GPR161: variants seen among roughly 807,000 people sequenced by gnomAD.
The protein encoded by GPR161 is G-protein coupled receptor RE2.
GPR161 carries 25 observed loss-of-function variants against 39.2 expected under a neutral mutation model. The observed-to-expected ratio is 0.64, with a 90% confidence interval of 0.47 to 0.89. The LOEUF (loss-of-function observed/expected upper bound fraction) is 0.89, where lower values mean the gene tolerates loss of function less well. GPR161 is among the 40% of genes least tolerant of loss of function. GPR161 has a pLI of 0.00. For missense variants in GPR161, 547 were observed against 677.8 expected (o/e 0.81, Z 2.14); for synonymous variants, 286 against 276.6 (o/e 1.03, Z -0.34).
intron 1 of GPR161, chr1:168,136,155 G>A: frequency 7.9e-7 from 1 of 1,267,820 alleles, no homozygotes; most frequent in Non-Finnish European, 9.9e-7. Flanking sequence ...GGGCAGAGCC[G>A]CCCATCCGGC....
At chr1:168,116,662 C>T (rs1697658255) in intron 1 of GPR161, among the ~76,000 whole-genome samples, 1 of 152,212 alleles carries the variant, frequency 6.6e-6, no homozygotes, top group Non-Finnish European at 1.5e-5. Flanking sequence ...CTCCCTCCTG[C>T]CCTCCCTTCA....
chr1:168,137,602 G>T, upstream of GPR161: 1 of 602,576 alleles, frequency 1.7e-6, no homozygotes, highest in African/African-American at 1.8e-5. Context: ...GGCGCTGTCA[G>T]CTCGGGGGAC....
At position 168,085,267 on chromosome 1, in the gene GPR161, G is replaced by GTT. The variant is rs112973198; in HGVS notation, c.*262_*263dup. ...AGCCACATCTCTAGATTTTTTTTTG[G>GTT]TTTTTTTTTTGCTTTAGATGCTTCT... On this transcript the variant is annotated 3_prime_UTR_variant, in exon 6 of 6. Coordinates refer to ENST00000682931, the MANE Select transcript of GPR161 (RefSeq NM_001375883.1). The GTT allele has an allele frequency of 3.8e-4, 181 of 475,624 alleles. No homozygotes were observed. The highest frequency in any genetic ancestry group is 2.9e-3 in the African/African-American group (145 of 49,996). 29.5% of individuals were successfully genotyped at this position (475,624 alleles called of 1,614,324 possible). A position where few individuals can be genotyped will look rare whatever the true frequency, so the allele number is the denominator to read the frequency against.
intron 1 of GPR161, among the ~76,000 whole-genome samples, chr1:168,112,675 G>A (rs1697310082): frequency 1.3e-5 from 2 of 151,578 alleles, no homozygotes; most frequent in African/African-American, 4.8e-5. Flanking sequence ...TGGCTAACAT[G>A]GTGAAACTCC....
chr1:168,123,997 G>C (rs1374635292), intron 1 of GPR161, among the ~76,000 whole-genome samples: 1 of 152,210 alleles, frequency 6.6e-6, no homozygotes, highest in Non-Finnish European at 1.5e-5. Flanking sequence ...TTGACACACA[G>C]GTTGAAAGTG....
intron 5 of GPR161, among the ~76,000 whole-genome samples, chr1:168,086,562 G>GC (rs1694515448): frequency 6.6e-6 from 1 of 152,204 alleles, no homozygotes; most frequent in Non-Finnish European, 1.5e-5. Flanking sequence ...CATGGCAGGG[G>GC]AGGACCCCCT....
At chr1:168,089,971 A>C (rs1694895771) in intron 4 of GPR161, among the ~76,000 whole-genome samples, 1 of 152,212 alleles carries the variant, frequency 6.6e-6, no homozygotes, top group South Asian at 2.1e-4. Flanking sequence ...AGGGAGACTG[A>C]GTTTCATATC....
Position 168,087,644 on chromosome 1 carries a change from G to A in GPR161, c.1265C>T (p.Thr422Ile). ...CGAGCTCCTTCTCTTGGGTGGGCAA[G>A]TGCAGTGAGAGGGAGGGTTGTCATC... ...TSDDNPPSHC[T>I]CPPKRRSSVT... The change falls in exon 5 of 6, where the codon ACT becomes ATT. Residue 422 changes from threonine (T) to isoleucine (I), a missense_variant. Transcript: ENST00000682931. 4 of 1,614,054 alleles carry A rather than the reference G, an allele frequency of 2.5e-6. No individual in the cohort carries two copies. Among genetic ancestry groups the A allele is most frequent in the Non-Finnish European group, 3.4e-6 (4 of 1,179,902 alleles).
At chr1:168,132,717 T>C (rs958234656) in intron 1 of GPR161, among the ~76,000 whole-genome samples, 6 of 152,096 alleles carry the variant, frequency 3.9e-5, no homozygotes, top group African/African-American at 1.4e-4. Flanking sequence ...AGAAGGCACA[T>C]TTTTAGGTTT....
upstream of GPR161, chr1:168,137,018 C>T (rs1235430844): frequency 8.3e-5 from 67 of 810,104 alleles, no homozygotes; most frequent in Non-Finnish European, 9.3e-5. Flanking sequence ...CCTCCCCGCG[C>T]CCCGCACTGC....
intron 1 of GPR161, among the ~76,000 whole-genome samples, chr1:168,109,681 T>A (rs1298335439): frequency 6.6e-6 from 1 of 152,178 alleles, no homozygotes; most frequent in Non-Finnish European, 1.5e-5. Context: ...AATTTATACA[T>A]TCCGGCCAGG....
At chr1:168,133,195 C>T (rs1699128605) in intron 1 of GPR161, among the ~76,000 whole-genome samples, 1 of 152,202 alleles carries the variant, frequency 6.6e-6, no homozygotes, top group Non-Finnish European at 1.5e-5. Context: ...CTTTTGAATG[C>T]TATACCTTTC....
intron 1 of GPR161, 107 bp downstream of exon 1, chr1:168,136,632 C>G (rs1699399128): frequency 3.3e-6 from 4 of 1,216,994 alleles, no homozygotes; most frequent in Non-Finnish European, 4.1e-6. Flanking sequence ...GGACCCTTCC[C>G]GGCCCGCGCC....
intron 1 of GPR161, chr1:168,136,394 C>G: frequency 2.1e-6 from 3 of 1,409,392 alleles, no homozygotes; most frequent in Non-Finnish European, 2.8e-6. Context: ...TACGCCCTCC[C>G]ATCCAGCGGA....
At position 168,096,613 on chromosome 1, in the gene GPR161, G is replaced by A. The variant is rs746073856; in HGVS notation, c.994C>T (p.Arg332Cys). Reference protein sequence around the residue: ...LIYGLWNKTVRKELLGMCFGD... With the variant: ...LIYGLWNKTVCKELLGMCFGD... ...AAGCACATGCCCAGTAGTTCTTTGC[G>A]AACTGTCTTGTTCCAGAGTCCATAG... The change falls in exon 3 of 6, where the codon CGC (arginine) becomes TGC (cysteine). Residue 332 changes from arginine to cysteine, a missense_variant. Physicochemically the swap from Arg to Cys is radical, Grantham distance 180. Transcript: ENST00000682931. 10 of 1,614,206 alleles carry A rather than the reference G, an allele frequency of 6.2e-6. No individual in the cohort carries two copies. The highest frequency in any genetic ancestry group is 4.5e-5 in the East Asian group (2 of 44,890).
At chr1:168,121,791 T>A (rs185293386) in intron 1 of GPR161, among the ~76,000 whole-genome samples, 114 of 152,296 alleles carry the variant, frequency 7.5e-4, no homozygotes, top group African/African-American at 2.6e-3. Context: ...AACCACGTCA[T>A]TCCCTCCGTG....
chr1:168,114,948 G>A (rs1371562609), intron 1 of GPR161, among the ~76,000 whole-genome samples: 2 of 152,168 alleles, frequency 1.3e-5, no homozygotes, highest in Admixed American at 6.5e-5. Flanking sequence ...GAGTCTCACT[G>A]ATGGGGCTAG....
rs993161145 is a variant in GPR161, at chr1:168,133,860, T to C, written c.-45+2879A>G. 7 of 872,746 alleles carry C rather than the reference T, an allele frequency of 8.0e-6. No individual in the cohort carries two copies. In the Admixed American group the frequency reaches 2.5e-4, roughly 31 times the overall value. The allele number at this position is 872,746 out of a possible 1,614,324, so 54.1% of individuals were successfully genotyped here. ...TTTATCATGTTTTATATAATAGCAA[T>C]AAACTATATATTCACCTATGTTTCC... On this transcript the variant is annotated intron_variant, in intron 1 of 5. Transcript: ENST00000682931.
chr1:168,098,301 C>T lies in GPR161; in HGVS notation c.375-1069G>A, dbSNP rs376376559. Among the ~76,000 whole-genome samples the T allele has an allele frequency of 2.0e-5, 3 of 152,136 alleles. No homozygotes were observed. Among genetic ancestry groups the T allele is most frequent in the East Asian group, 1.9e-4 (1 of 5,184 alleles). On this transcript the variant is annotated intron_variant, in intron 2 of 5. Coordinates refer to ENST00000682931, the MANE Select transcript of GPR161 (RefSeq NM_001375883.1). The surrounding 1 kb of genome is among the most constrained non-coding windows in gnomAD (Gnocchi z 4.1). The stretch of plus-strand genomic sequence containing the variant: ...AGGAAGCAGGCCGGGTGGACGGGGC[C>T]GGGGCATGCAGAGCTAAGGACTGTA...
Sources: allele counts gnomAD v4.1 joint callset (sites outside exome capture counted in the v4.1 genomes callset), GRCh38; gene constraint gnomAD v4.1.1; non-coding constraint Gnocchi (gnomAD v3.1); transcripts MANE v1.5; gene names NCBI Gene and HGNC (gene_info 2026-07-23, HGNC 2026-07-21).